CDH8: variants seen among roughly 807,000 people sequenced by gnomAD.
CDH8 encodes cadherin-8.
CDH8 carries 17 observed loss-of-function variants against 68.1 expected under a neutral mutation model. The ratio of observed to expected loss-of-function variants is 0.25; its 90% CI spans 0.17 to 0.37. CDH8 has a LOEUF of 0.37. Among genes scored for constraint, CDH8 ranks in the 10% least tolerant of loss-of-function variants. The pLI, the probability that CDH8 is intolerant of heterozygous loss-of-function variation, is 1.00. For missense variants in CDH8, 763 were observed against 999.3 expected, an observed-to-expected ratio of 0.76 and a Z score of 3.19; for synonymous variants, 372 against 365.1, an observed-to-expected ratio of 1.02 and a Z score of -0.21.
intron 2 of CDH8, among the ~76,000 whole-genome samples, chr16:61,962,916 CT>C (rs747571552): frequency 5.9e-5 from 9 of 151,890 alleles, no homozygotes; most frequent in African/African-American, 9.7e-5. Flanking sequence ...ATCTTTTGAT[CT>C]TTTTTTCATT....
rs541273961 is a variant in CDH8, at chr16:61,683,226, G to A, written c.1655-27505C>T. Among the ~76,000 whole-genome samples the A allele has an allele frequency of 7.9e-5, 12 of 151,918 alleles. No homozygotes were observed. In the South Asian group the frequency reaches 2.1e-3, roughly 26 times the overall value. ...GTTGGGCAAAATTTTCAACCTCCTTGAGTATTACCTTAACTGAAAAATAAA... is the reference window on the plus strand; with the variant it reads ...GTTGGGCAAAATTTTCAACCTCCTTAAGTATTACCTTAACTGAAAAATAAA... On this transcript the variant is annotated intron_variant, in intron 10 of 11. Coordinates refer to ENST00000577390, the MANE Select transcript of CDH8 (RefSeq NM_001796.5).
At chr16:61,755,782 TC>T (rs1447159107) in intron 8 of CDH8, among the ~76,000 whole-genome samples, 8 of 152,058 alleles carry the variant, frequency 5.3e-5, no homozygotes, top group Middle Eastern at 3.4e-3. Flanking sequence ...CTTCTCCTTC[TC>T]CTTCTCCGCC....
At chr16:61,770,980 C>T (rs1489334721) in intron 8 of CDH8, among the ~76,000 whole-genome samples, 1 of 151,928 alleles carries the variant, frequency 6.6e-6, no homozygotes, top group East Asian at 1.9e-4. Context: ...TTAATCTGGA[C>T]TGTACTGAGG....
At position 61,859,887 on chromosome 16, in the gene CDH8, G is replaced by A. The variant is rs139356364; in HGVS notation, c.548-2649C>T. On this transcript the variant is annotated intron_variant, in intron 3 of 11. Coordinates refer to ENST00000577390, the MANE Select transcript of CDH8 (RefSeq NM_001796.5). ...TTTTGAGAGGGAGCCTTGCTCTGTC[G>A]CCCAGGCTGGAGTGCAGTGGTGTGA... 9.2e-3 allele frequency among the ~76,000 whole-genome samples: 1,406 copies of A among 152,206 alleles called. 38 individuals carry two copies. The highest frequency in any genetic ancestry group is 0.032 in the African/African-American group (1,323 of 41,544).
intron 10 of CDH8, among the ~76,000 whole-genome samples, chr16:61,703,901 G>T (rs188141850): frequency 2.3e-4 from 35 of 152,114 alleles, no homozygotes; most frequent in Admixed American, 2.3e-3. Context: ...ATACTTTCCA[G>T]TCCCATTATT....
intron 7 of CDH8, among the ~76,000 whole-genome samples, chr16:61,793,970 C>G (rs1426537162): frequency 6.6e-6 from 1 of 151,972 alleles, no homozygotes; most frequent in Non-Finnish European, 1.5e-5. Flanking sequence ...CAGAATATAA[C>G]AAGTGATTAT....
chr16:62,008,330 G>T (rs1175766558), intron 2 of CDH8, among the ~76,000 whole-genome samples: 1 of 152,124 alleles, frequency 6.6e-6, no homozygotes, highest in African/African-American at 2.4e-5. Flanking sequence ...TTGGCTCTGT[G>T]GTTTGTGTCC....
chr16:61,915,093 A>T (rs2143347341), intron 2 of CDH8, among the ~76,000 whole-genome samples: 1 of 152,312 alleles, frequency 6.6e-6, no homozygotes, highest in Non-Finnish European at 1.5e-5. Context: ...ATCCTTTCTA[A>T]TTGTACCTTC....
intron 4 of CDH8, among the ~76,000 whole-genome samples, chr16:61,844,184 A>G (rs1962749928): frequency 6.7e-6 from 1 of 150,144 alleles, no homozygotes; most frequent in Non-Finnish European, 1.5e-5. Context: ...GGACAAAAAA[A>G]CAAACACTGC....
At chr16:61,908,030 G>A (rs556751242) in intron 2 of CDH8, among the ~76,000 whole-genome samples, 33 of 131,230 alleles carry the variant, frequency 2.5e-4, no homozygotes, top group African/African-American at 9.9e-4. Context: ...GCGACAGAGT[G>A]AGACTCAGTC....
intron 7 of CDH8, among the ~76,000 whole-genome samples, chr16:61,817,227 A>G (rs1962095204): frequency 6.6e-6 from 1 of 152,138 alleles, no homozygotes. Flanking sequence ...GAGCTCTCTA[A>G]GAGCTGGAAT....
intron 10 of CDH8, among the ~76,000 whole-genome samples, chr16:61,699,519 G>A (rs1166399296): frequency 6.6e-6 from 1 of 152,074 alleles, no homozygotes; most frequent in East Asian, 1.9e-4. Flanking sequence ...CTTCAGTGGA[G>A]CGTTGATCTC....
intron 7 of CDH8, among the ~76,000 whole-genome samples, chr16:61,809,047 A>G (rs994230030): frequency 5.3e-5 from 8 of 152,078 alleles, no homozygotes; most frequent in East Asian, 1.9e-4. Flanking sequence ...TTAGACGGGC[A>G]TGGTGGCCCA....
chr16:61,712,327 C>G (rs1241703340), intron 10 of CDH8, among the ~76,000 whole-genome samples: 2 of 151,628 alleles, frequency 1.3e-5, no homozygotes, highest in Non-Finnish European at 3.0e-5. Flanking sequence ...TTATGTGATG[C>G]CTTCTAGAGC....
chr16:61,960,144 T>C (rs1215969022), intron 2 of CDH8, among the ~76,000 whole-genome samples: 3 of 129,690 alleles, frequency 2.3e-5, no homozygotes, highest in African/African-American at 9.9e-5. Context: ...CACATACATA[T>C]ATACATATGT....
chr16:62,000,832 C>A (rs1965881771), intron 2 of CDH8, among the ~76,000 whole-genome samples: 1 of 152,106 alleles, frequency 6.6e-6, no homozygotes, highest in Admixed American at 6.5e-5. Flanking sequence ...AGTAGTATTA[C>A]TACTAGTATT....
intron 3 of CDH8, among the ~76,000 whole-genome samples, chr16:61,871,321 C>G (rs942963976): frequency 1.3e-5 from 2 of 151,692 alleles, no homozygotes; most frequent in Non-Finnish European, 1.5e-5. Context: ...GCTAGGATTA[C>G]AGGTGTGTAA....
At chr16:61,760,223 A>C (rs1385555245) in intron 8 of CDH8, among the ~76,000 whole-genome samples, 3 of 152,128 alleles carry the variant, frequency 2.0e-5, no homozygotes, top group Non-Finnish European at 4.4e-5. Context: ...GGTTACTATT[A>C]TTTTAAACCA....
chr16:61,739,166 G>C (rs1231925350), intron 8 of CDH8, among the ~76,000 whole-genome samples: 1 of 151,994 alleles, frequency 6.6e-6, no homozygotes, highest in Non-Finnish European at 1.5e-5. Flanking sequence ...AAATAGGATT[G>C]ACTCGAGATT....
Sources: allele counts gnomAD v4.1 joint callset (sites outside exome capture counted in the v4.1 genomes callset), GRCh38; gene constraint gnomAD v4.1.1; transcripts MANE v1.5; gene names NCBI Gene and HGNC (gene_info 2026-07-23, HGNC 2026-07-21).